IL1RAPL2: variants seen among roughly 807,000 people sequenced by gnomAD.
IL1RAPL2 encodes the protein X-linked interleukin-1 receptor accessory protein-like 2.
A neutral mutation model predicts 44.1 loss-of-function variants in IL1RAPL2; 3 were observed. The ratio of observed to expected loss-of-function variants is 0.07; its 90% CI spans 0.03 to 0.18. The LOEUF (loss-of-function observed/expected upper bound fraction) is 0.18. IL1RAPL2 is among the 10% of genes least tolerant of loss of function. IL1RAPL2 has a pLI of 1.00. For synonymous variants in IL1RAPL2, 181 were observed against 178.8 expected (o/e 1.01, Z -0.10); for missense variants, 391 against 496.4 (o/e 0.79, Z 2.02).
chrX:105,651,101 C>T (rs1336351089), intron 6 of IL1RAPL2, among the ~76,000 whole-genome samples: 2 of 111,559 alleles, frequency 1.8e-5, no homozygotes, highest in African/African-American at 6.5e-5. Flanking sequence ...TGAAAGACAG[C>T]AAGGCTGTTT....
chrX:105,292,971 G>A (rs1049229965), intron 5 of IL1RAPL2, among the ~76,000 whole-genome samples: 1 of 109,376 alleles, frequency 9.1e-6, no homozygotes, highest in African/African-American at 3.3e-5. Context: ...AATTATCCGG[G>A]CATTGTGGCA....
intron 6 of IL1RAPL2, among the ~76,000 whole-genome samples, chrX:105,575,384 G>C (rs2037043200): frequency 9.0e-6 from 1 of 110,964 alleles, no homozygotes; most frequent in South Asian, 3.8e-4. Context: ...ATGTGTCCAT[G>C]TGTTCTCATC....
At chrX:105,114,611 A>G (rs1235958587) in intron 2 of IL1RAPL2, among the ~76,000 whole-genome samples, 1 of 111,983 alleles carries the variant, frequency 8.9e-6, no homozygotes, top group East Asian at 2.8e-4. Context: ...AGTCATAGAC[A>G]GAACTGTGCA....
intron 6 of IL1RAPL2, among the ~76,000 whole-genome samples, chrX:105,681,904 G>A (rs1012472072): frequency 7.2e-5 from 8 of 111,299 alleles, no homozygotes; most frequent in African/African-American, 2.6e-4. Context: ...TTTTAATGAC[G>A]AAGCACTGAG....
At chrX:105,608,094 C>A (rs2037308954) in intron 6 of IL1RAPL2, among the ~76,000 whole-genome samples, 1 of 111,205 alleles carries the variant, frequency 9.0e-6, no homozygotes, top group Non-Finnish European at 1.9e-5. Context: ...TAAGGGAATA[C>A]TCTGATTCAT....
chrX:104,737,518 A>G (rs1932034069), intron 2 of IL1RAPL2, among the ~76,000 whole-genome samples: 1 of 112,171 alleles, frequency 8.9e-6, no homozygotes, highest in Non-Finnish European at 1.9e-5. Context: ...ATATTCTGGC[A>G]TGAGGACTGA....
intron 5 of IL1RAPL2, among the ~76,000 whole-genome samples, chrX:105,293,134 AAG>A (rs2034627755): frequency 1.8e-5 from 2 of 108,395 alleles, no homozygotes; most frequent in Admixed American, 2.0e-4. Flanking sequence ...AAAAAAAAAA[AAG>A]AGTGAAAGCA....
chrX:105,666,784 GTGTCCA>G (rs1243753781), intron 6 of IL1RAPL2, among the ~76,000 whole-genome samples: 1 of 111,489 alleles, frequency 9.0e-6, no homozygotes, highest in Non-Finnish European at 1.9e-5. Flanking sequence ...CGCCCCTCAT[GTGTCCA>G]TTTATAGGCT....
At position 105,375,048 on chromosome X, in the gene IL1RAPL2, T is replaced by C. The variant is rs570987781; in HGVS notation, c.697+107507T>C. On this transcript the variant is annotated intron_variant, in intron 5 of 10. Transcript: ENST00000372582. ...TTTGGGCTAAGTGTATAAGGTTTTCTAGATATAAAATCATACCACCTGCAA... is the reference window on the plus strand; with the variant it reads ...TTTGGGCTAAGTGTATAAGGTTTTCCAGATATAAAATCATACCACCTGCAA... 1.2e-4 allele frequency among the ~76,000 whole-genome samples: 13 copies of C among 110,521 alleles called. No individual in the cohort carries two copies. The South Asian group carries it at 4.6e-3, about 39-fold the overall frequency.
intron 3 of IL1RAPL2, among the ~76,000 whole-genome samples, chrX:105,216,104 G>T (rs1214539816): frequency 5.4e-5 from 6 of 111,116 alleles, no homozygotes; most frequent in Non-Finnish European, 1.1e-4. Flanking sequence ...TGGAAGTTCT[G>T]GCCAGGGCAA....
chrX:105,501,421 T>C (rs1195938106), intron 6 of IL1RAPL2, among the ~76,000 whole-genome samples: 1 of 110,878 alleles, frequency 9.0e-6, no homozygotes, highest in East Asian at 2.9e-4. Flanking sequence ...GCCAGGTGTT[T>C]ACGACCAGCC....
chrX:104,784,096 A>G (rs1249395197), intron 2 of IL1RAPL2, among the ~76,000 whole-genome samples: 1 of 111,959 alleles, frequency 8.9e-6, no homozygotes, highest in Admixed American at 9.5e-5. Context: ...TTTAGTCACT[A>G]TAAGTTAGGT....
chrX:105,259,728 C>T (rs770976096), intron 4 of IL1RAPL2, among the ~76,000 whole-genome samples: 4 of 111,211 alleles, frequency 3.6e-5, no homozygotes, highest in East Asian at 5.7e-4. Context: ...ATATTTCCTC[C>T]GTAGTCTGAG....
At chrX:105,183,101 C>T (rs782232823) in intron 2 of IL1RAPL2, among the ~76,000 whole-genome samples, 2 of 111,378 alleles carry the variant, frequency 1.8e-5, no homozygotes, top group South Asian at 7.7e-4. Flanking sequence ...GGGCCTATCT[C>T]TAGGTCCCCC....
intron 1 of IL1RAPL2, among the ~76,000 whole-genome samples, chrX:104,574,245 A>G (rs1391687608): frequency 9.0e-6 from 1 of 111,558 alleles, no homozygotes; most frequent in Non-Finnish European, 1.9e-5. Context: ...ATGGGTAGTT[A>G]TTCTTAACAT....
At chrX:105,266,285 G>T (rs73245766) in intron 4 of IL1RAPL2, among the ~76,000 whole-genome samples, 15,761 of 109,675 alleles carry the variant, frequency 0.14, 1,151 homozygotes, top group Non-Finnish European at 0.21. Context: ...CAAGTGATCC[G>T]CCTGCCTCAG....
intron 2 of IL1RAPL2, among the ~76,000 whole-genome samples, chrX:104,927,192 G>A (rs930403329): frequency 2.7e-5 from 3 of 111,384 alleles, no homozygotes; most frequent in Admixed American, 9.5e-5. Flanking sequence ...TCACCATTCC[G>A]AAGCCCACTC....
Position 105,354,594 on chromosome X carries a change from G to A in IL1RAPL2, c.697+87053G>A, listed in dbSNP as rs181207362. On this transcript the variant is annotated intron_variant, in intron 5 of 10. Transcript: ENST00000372582. ...TGCAGCACACCAACACGGCACATGT[G>A]TACATATGTAACAAACCTGCACATT... Among the ~76,000 whole-genome samples the A allele has an allele frequency of 9.8e-4, 108 of 110,485 alleles. 1 individual carries two copies. Among genetic ancestry groups the A allele is most frequent in the African/African-American group, 3.4e-3 (103 of 30,303 alleles).
chrX:105,648,348 C>T (rs997378113), intron 6 of IL1RAPL2, among the ~76,000 whole-genome samples: 1 of 111,683 alleles, frequency 9.0e-6, no homozygotes, highest in African/African-American at 3.3e-5. Flanking sequence ...GAAATTCTGC[C>T]TGTGGCTTAA....
Sources: gnomAD v4.1 joint callset for allele counts (sites outside exome capture counted in the v4.1 genomes callset) on GRCh38, gnomAD v4.1.1 for gene constraint, MANE v1.5 for transcripts, NCBI Gene and HGNC (gene_info 2026-07-23, HGNC 2026-07-21) for gene names.